PCDHGA7: variants seen among roughly 807,000 people sequenced by gnomAD.
PCDHGA7 encodes protocadherin gamma subfamily A, 7, also known as protocadherin gamma-A7.
A neutral mutation model predicts 58.3 loss-of-function variants in PCDHGA7; 44 were observed. The ratio of observed to expected loss-of-function variants is 0.75; its 90% CI spans 0.59 to 0.97. The LOEUF (loss-of-function observed/expected upper bound fraction) is 0.97, where lower values mean the gene tolerates loss of function less well. Among genes scored for constraint, PCDHGA7 ranks in the 50% least tolerant of loss-of-function variants. PCDHGA7 has a pLI of 0.00. For synonymous variants in PCDHGA7, 516 were observed against 504.2 expected, an observed-to-expected ratio of 1.02 and a Z score of -0.31; for missense variants, 1,266 against 1,188.7, an observed-to-expected ratio of 1.06 and a Z score of -0.96.
intron 1 of PCDHGA7, among the ~76,000 whole-genome samples, chr5:141,436,150 T>A (rs1270913305): frequency 6.6e-6 from 1 of 152,182 alleles, no homozygotes; most frequent in African/African-American, 2.4e-5. Flanking sequence ...ACTACCAAAA[T>A]GTTTATCATA....
chr5:141,428,061 G>A (rs755817800), intron 1 of PCDHGA7: 1 of 1,609,154 alleles, frequency 6.2e-7, no homozygotes, highest in South Asian at 1.1e-5. Flanking sequence ...GGTGGCGGTG[G>A]ACGCAGATTC....
rs369940443 is a variant in PCDHGA7, at chr5:141,477,841, C to G, written c.2425-16966C>G. 6.2e-7 allele frequency: 1 copy of G among 1,613,308 alleles called. No individual in the cohort carries two copies. The highest frequency in any genetic ancestry group is 1.3e-5 in the African/African-American group (1 of 74,700). On this transcript the variant is annotated intron_variant, in intron 1 of 3. Coordinates refer to ENST00000518325, the MANE Select transcript of PCDHGA7 (RefSeq NM_018920.4). The surrounding 1 kb of genome is among the most constrained non-coding windows in gnomAD (Gnocchi z 4.9). ...TCCTATATCCTCGGCCAGGTGGGAG[C>G]TCGGTGGAGATGCTGCCTCGAGGTA...
intron 1 of PCDHGA7, chr5:141,392,164 A>C (rs2092476759): frequency 1.3e-5 from 2 of 152,244 alleles, no homozygotes; most frequent in African/African-American, 4.8e-5. Flanking sequence ...ACAATTTCTG[A>C]GTCAGTCATC....
At position 141,385,168 on chromosome 5, in the gene PCDHGA7, G is replaced by T. The variant is rs376175214; in HGVS notation, c.2269G>T (p.Val757Phe). The change falls in exon 1 of 4, where the codon GTC becomes TTC. Residue 757 changes from valine (V) to phenylalanine (F), a missense_variant. Transcript: ENST00000518325. ...TTTCCTGCAGACCTATTCCCATGAG[G>T]TCTCCCTCACCGCGGACTCTCGGAA... ...QAFLQTYSHE[V>F]SLTADSRKSH... is the part of the protein sequence containing the mutation. 1.5e-5 allele frequency: 24 copies of T among 1,614,100 alleles called. No individual in the cohort carries two copies. Among genetic ancestry groups the T allele is most frequent in the Non-Finnish European group, 2.0e-5 (24 of 1,180,058 alleles).
chr5:141,449,263 AC>A (rs1308401244), intron 1 of PCDHGA7, among the ~76,000 whole-genome samples: 3 of 152,152 alleles, frequency 2.0e-5, no homozygotes, highest in African/African-American at 7.2e-5. Flanking sequence ...TGTACAAAGA[AC>A]TGTATCTCCT....
At chr5:141,502,907 G>C (rs1335363561) in intron 2 of PCDHGA7, among the ~76,000 whole-genome samples, 2 of 138,924 alleles carry the variant, frequency 1.4e-5, no homozygotes, top group Non-Finnish European at 3.0e-5. Context: ...CTGTTGCCAG[G>C]CTGGAGTGCA....
At chr5:141,467,987 A>G (rs888811899) in intron 1 of PCDHGA7, among the ~76,000 whole-genome samples, 10 of 152,216 alleles carry the variant, frequency 6.6e-5, no homozygotes, top group Non-Finnish European at 8.8e-5. Flanking sequence ...TCAGAAAACC[A>G]CAATTCTTTC....
At chr5:141,418,836 C>T (rs2096292464) in intron 1 of PCDHGA7, 1 of 1,613,984 alleles carries the variant, frequency 6.2e-7, no homozygotes, top group Non-Finnish European at 8.5e-7. Flanking sequence ...GACCGAGGAT[C>T]TCTCTCAACA....
At chr5:141,427,683 G>C in intron 1 of PCDHGA7, 1 of 836,052 alleles carries the variant, frequency 1.2e-6, no homozygotes. Flanking sequence ...CCTTCCCGGA[G>C]CCTCCATCCC....
intron 1 of PCDHGA7, chr5:141,428,181 AG>A (rs776102500): frequency 6.7e-7 from 1 of 1,486,230 alleles, no homozygotes; most frequent in Admixed American, 1.8e-5. Context: ...GACGGAGGAC[AG>A]CCGCCGCTCT....
chr5:141,404,497 T>C, intron 1 of PCDHGA7: 1 of 1,613,930 alleles, frequency 6.2e-7, no homozygotes, highest in Non-Finnish European at 8.5e-7. Context: ...GTGTGCTGTA[T>C]GCTCTGTGCT....
chr5:141,427,810 G>T, intron 1 of PCDHGA7: 1 of 1,523,990 alleles, frequency 6.6e-7, no homozygotes, highest in Non-Finnish European at 9.0e-7. Flanking sequence ...AGCGCACAGA[G>T]CGGGGTGGTG....
Position 141,485,818 on chromosome 5 carries a change from C to A in PCDHGA7, c.2425-8989C>A, listed in dbSNP as rs757848513. The A allele has an allele frequency of 1.2e-6, 2 of 1,613,910 alleles. No individual in the cohort carries two copies. The highest frequency in any genetic ancestry group is 1.7e-6 in the Non-Finnish European group (2 of 1,179,974). On this transcript the variant is annotated intron_variant, in intron 1 of 3. Transcript: ENST00000518325. The surrounding 1 kb of genome is among the most constrained non-coding windows in gnomAD (Gnocchi z 5.7). ...ACTACCGCCTGGTGCTGACTGCTGT[C>A]GATGGAGGGAACCCGCCGAGATCTG...
intron 1 of PCDHGA7, among the ~76,000 whole-genome samples, chr5:141,462,218 C>T (rs2099034952): frequency 6.6e-6 from 1 of 152,180 alleles, no homozygotes; most frequent in African/African-American, 2.4e-5. Context: ...CCTCGGCCTC[C>T]CAAAGTGCAG....
rs770283696 is a variant in PCDHGA7, at chr5:141,385,127, T to G, written c.2228T>G (p.Met743Arg). Residue 743 changes from methionine to arginine, a missense_variant, in exon 1 of 4, where the codon ATG becomes AGG. Physicochemically the swap from Met to Arg is moderately conservative, Grantham distance 91. Transcript: ENST00000518325. Reference protein sequence around the residue: ...ANVPTSHFVGMDGVQAFLQTY... With the variant: ...ANVPTSHFVGRDGVQAFLQTY... ...GTGCCCACCTCGCACTTTGTGGGCA[T>G]GGACGGGGTGCAGGCTTTCCTGCAG... is the stretch of plus-strand genomic sequence containing the variant. 6.2e-6 allele frequency: 10 copies of G among 1,614,222 alleles called. No individual in the cohort carries two copies. The South Asian group carries it at 7.7e-5, about 12-fold the overall frequency.
intron 1 of PCDHGA7, among the ~76,000 whole-genome samples, chr5:141,470,068 G>A (rs1269966360): frequency 6.6e-6 from 1 of 152,240 alleles, no homozygotes; most frequent in East Asian, 1.9e-4. Flanking sequence ...GGCAGAGACT[G>A]TAGTGATCTG....
rs938964469 is a variant in PCDHGA7 at position 141,485,439 on chromosome 5, C to T, written c.2425-9368C>T. On this transcript the variant is annotated intron_variant, in intron 1 of 3. Transcript: ENST00000518325. This position sits in a 1 kb window ranked among gnomAD's most constrained non-coding sequence, Gnocchi z 5.7. The stretch of plus-strand genomic sequence containing the variant: ...AGCGGAGCCCTGCTCATCAAGAACC[C>T]AATCGACCGAGAGGCACTGTGTGGG... The T allele has an allele frequency of 1.1e-5, 18 of 1,614,182 alleles. No homozygotes were observed. Among genetic ancestry groups the T allele is most frequent in the Non-Finnish European group, 1.5e-5 (18 of 1,180,036 alleles).
chr5:141,505,277 G>A, intron 2 of PCDHGA7, 116 bp from the exon 3 acceptor site: 1 of 1,539,958 alleles, frequency 6.5e-7, no homozygotes, highest in African/African-American at 1.4e-5. Context: ...AGAGAAACAG[G>A]TCTTGGGCAT....
chr5:141,400,068 G>A (rs2093954953), intron 1 of PCDHGA7: 1 of 1,613,706 alleles, frequency 6.2e-7, no homozygotes, highest in African/African-American at 1.3e-5. Flanking sequence ...ATGGTGGACA[G>A]CCGCCACTCT....
Sources: allele counts gnomAD v4.1 joint callset (sites outside exome capture counted in the v4.1 genomes callset), GRCh38; gene constraint gnomAD v4.1.1; non-coding constraint Gnocchi (gnomAD v3.1); transcripts MANE v1.5; gene names NCBI Gene and HGNC (gene_info 2026-07-23, HGNC 2026-07-21).